Variants in MAN1A1 observed in about 807,000 individuals in gnomAD.
The protein encoded by MAN1A1 is mannosidase alpha class 1A member 1.
A neutral mutation model predicts 70.8 loss-of-function variants in MAN1A1; 29 were observed. The observed-to-expected ratio is 0.41, with a 90% CI of 0.31 to 0.56. The LOEUF (loss-of-function observed/expected upper bound fraction) is 0.56, where lower values mean the gene tolerates loss of function less well. Ranked by LOEUF, MAN1A1 falls within the 20% of genes least tolerant of loss-of-function variation. The pLI is 0.29. For synonymous variants in MAN1A1, 349 were observed against 330.1 expected (o/e 1.06, Z -0.62); for missense variants, 747 against 841.3 (o/e 0.89, Z 1.39).
At chr6:119,327,564 AT>A (rs1385877049) in intron 2 of MAN1A1, among the ~76,000 whole-genome samples, 1 of 151,694 alleles carries the variant, frequency 6.6e-6, no homozygotes, top group East Asian at 1.9e-4. Flanking sequence ...TAATTTTTGT[AT>A]TTTTAATAGA....
chr6:119,293,190 G>A lies in MAN1A1; in HGVS notation c.817-2427C>T, dbSNP rs780480108. On this transcript the variant is annotated intron_variant, in intron 4 of 12. Coordinates refer to ENST00000368468, the MANE Select transcript of MAN1A1 (RefSeq NM_005907.4). The stretch of plus-strand genomic sequence containing the variant: ...AATCAAGACCTTTATGTAGACATCC[G>A]ATAAAAATTATTCCAAGGTGAAGGT... Among the ~76,000 whole-genome samples the A allele has an allele frequency of 1.8e-4, 27 of 151,940 alleles. 1 individual carries two copies. Among genetic ancestry groups the A allele is most frequent in the African/African-American group, 6.5e-4 (27 of 41,376 alleles).
chr6:119,236,530 A>C (rs1774849082), intron 6 of MAN1A1, among the ~76,000 whole-genome samples: 1 of 152,064 alleles, frequency 6.6e-6, no homozygotes, highest in Non-Finnish European at 1.5e-5. Flanking sequence ...CAACAAGGTG[A>C]AACCCCATCT....
chr6:119,337,651 T>C (rs1582815643), intron 2 of MAN1A1, among the ~76,000 whole-genome samples: 2 of 152,372 alleles, frequency 1.3e-5, no homozygotes, highest in South Asian at 4.1e-4. Flanking sequence ...TTTATCTTAT[T>C]ACTGATGGAA....
intron 2 of MAN1A1, among the ~76,000 whole-genome samples, chr6:119,342,341 T>C (rs1426609424): frequency 6.6e-6 from 1 of 152,206 alleles, no homozygotes. Context: ...TATGGATCAA[T>C]GCAATCTTGG....
In MAN1A1 at chr6:119,177,250, TATA is replaced by T. The variant is rs1428532625; in HGVS notation, c.*2566_*2568del. 6.6e-6 allele frequency: 1 copy of T among 152,150 alleles called. No homozygotes were observed. The highest frequency in any genetic ancestry group is 2.4e-5 in the African/African-American group (1 of 41,466). 9.4% of individuals were successfully genotyped at this position (152,150 alleles called of 1,614,324 possible). Reference sequence around the variant, plus strand: ...ATTCACAATAGAGAAATTTTACAAATATAATTTTTAAAAATTATGTGTCAATCT... The same window carrying T: ...ATTCACAATAGAGAAATTTTACAAATATTTTTAAAAATTATGTGTCAATCT... On this transcript the variant is annotated 3_prime_UTR_variant, in exon 13 of 13. Transcript: ENST00000368468.
At position 119,179,876 on chromosome 6, in the gene MAN1A1, T is replaced by C. The variant is rs1308871652; in HGVS notation, c.1905A>G (p.Ala635=). 6 of 1,612,646 alleles carry C rather than the reference T, an allele frequency of 3.7e-6. No individual in the cohort carries two copies. Among genetic ancestry groups the C allele is most frequent in the Non-Finnish European group, 5.1e-6 (6 of 1,178,702 alleles). The change falls in exon 13 of 13, where the codon GCA becomes GCG. Residue 635 remains alanine, a synonymous_variant. Coordinates refer to ENST00000368468, the MANE Select transcript of MAN1A1 (RefSeq NM_005907.4). ...PLEHWIFNSE[A]HLLPILPKDK... is the part of the protein sequence containing the mutation. ...CTTTAGGGAGGATAGGGAGAAGATG[T>C]GCCTCGCTATTGAAGATCCAATGCT... is the stretch of plus-strand genomic sequence containing the variant.
At chr6:119,228,733 T>C (rs1774588971) in intron 6 of MAN1A1, among the ~76,000 whole-genome samples, 2 of 152,146 alleles carry the variant, frequency 1.3e-5, no homozygotes, top group African/African-American at 4.8e-5. Flanking sequence ...ACAAATTATG[T>C]ACCTATCCAT....
chr6:119,260,576 G>A (rs1030055475), intron 5 of MAN1A1, among the ~76,000 whole-genome samples: 2 of 152,176 alleles, frequency 1.3e-5, no homozygotes, highest in Non-Finnish European at 2.9e-5. Context: ...GACAAAATGT[G>A]AATGAATGGG....
intron 6 of MAN1A1, among the ~76,000 whole-genome samples, chr6:119,238,120 T>A (rs1408422415): frequency 1.3e-5 from 2 of 152,196 alleles, no homozygotes; most frequent in Non-Finnish European, 2.9e-5. Context: ...TCATAATTGA[T>A]TCATTTTTCA....
intron 9 of MAN1A1, among the ~76,000 whole-genome samples, 188 bp downstream of exon 9, chr6:119,193,589 C>T (rs1425378790): frequency 6.6e-6 from 1 of 152,060 alleles, no homozygotes; most frequent in Non-Finnish European, 1.5e-5. Flanking sequence ...ACTTTAACGG[C>T]CCTATTAGAA....
chr6:119,340,028 T>C (rs973415992), intron 2 of MAN1A1, among the ~76,000 whole-genome samples: 2 of 150,854 alleles, frequency 1.3e-5, no homozygotes, highest in African/African-American at 4.9e-5. Context: ...GAGGCGGAGG[T>C]TGCAGCAAGA....
At chr6:119,191,140 G>T (rs1411230620) in intron 9 of MAN1A1, among the ~76,000 whole-genome samples, 1 of 152,066 alleles carries the variant, frequency 6.6e-6, no homozygotes, top group Non-Finnish European at 1.5e-5. Flanking sequence ...CATTAACCGT[G>T]GTTAAGCTAA....
intron 6 of MAN1A1, among the ~76,000 whole-genome samples, chr6:119,247,057 C>T (rs1230662016): frequency 1.3e-5 from 2 of 151,704 alleles, no homozygotes; most frequent in Non-Finnish European, 1.5e-5. Flanking sequence ...ACAAATGAAA[C>T]TAAAGCATGG....
chr6:119,259,864 C>A (rs887587333), intron 5 of MAN1A1, among the ~76,000 whole-genome samples: 7 of 152,090 alleles, frequency 4.6e-5, no homozygotes, highest in African/African-American at 1.7e-4. Flanking sequence ...TTTTCTTAAA[C>A]AATGAATACA....
chr6:119,342,003 C>T (rs1171154465), intron 2 of MAN1A1, among the ~76,000 whole-genome samples: 1 of 152,066 alleles, frequency 6.6e-6, no homozygotes, highest in African/African-American at 2.4e-5. Context: ...TAAGATAACT[C>T]GACTGTGACT....
At chr6:119,203,265 G>A (rs904236051) in intron 7 of MAN1A1, among the ~76,000 whole-genome samples, 1 of 152,166 alleles carries the variant, frequency 6.6e-6, no homozygotes, top group Non-Finnish European at 1.5e-5. Flanking sequence ...AGAGTGGCCT[G>A]GCAAGGCGGA....
chr6:119,311,844 G>A (rs1353560207), intron 2 of MAN1A1, among the ~76,000 whole-genome samples: 23 of 152,144 alleles, frequency 1.5e-4, no homozygotes, highest in Non-Finnish European at 5.9e-5. Context: ...CTTATCAATG[G>A]CCAACAGATG....
chr6:119,305,905 T>C (rs897388596), intron 3 of MAN1A1, among the ~76,000 whole-genome samples: 4 of 152,156 alleles, frequency 2.6e-5, no homozygotes, highest in African/African-American at 9.7e-5. Flanking sequence ...ACTCTAATGT[T>C]AGCCACACCA....
chr6:119,349,059 C>T lies in MAN1A1; in HGVS notation c.7G>A (p.Val3Met). The T allele has an allele frequency of 7.6e-7, 1 of 1,319,668 alleles. No homozygotes were observed. The highest frequency in any genetic ancestry group is 9.7e-7 in the Non-Finnish European group (1 of 1,033,358). 81.7% of individuals were successfully genotyped at this position (1,319,668 alleles called of 1,614,324 possible). A position where few individuals can be genotyped will look rare whatever the true frequency, so the allele number is the denominator to read the frequency against. The change falls in exon 2 of 13, where the codon GTG (valine) becomes ATG (methionine). Residue 3 changes from valine to methionine, a missense_variant. By Grantham distance (21) the Val-to-Met change is conservative (BLOSUM62 1). This residue lies in a region of MAN1A1 where 328 missense variants were observed against 293.1 expected (regional missense o/e 1.12). Transcript: ENST00000368468. MPVGGLLPLFSSP... is the reference protein window; with the variant it reads MPMGGLLPLFSSP... Reference sequence around the variant, plus strand: ...CTGAAGAGCGGCAACAGGCCCCCCACGGGCATCGCTCCCGCTGTCCAGTGG... The same window carrying T: ...CTGAAGAGCGGCAACAGGCCCCCCATGGGCATCGCTCCCGCTGTCCAGTGG...
Sources: allele counts gnomAD v4.1 joint callset (sites outside exome capture counted in the v4.1 genomes callset), GRCh38; gene constraint gnomAD v4.1.1; regional missense constraint gnomAD v4.1.1; transcripts MANE v1.5; gene names NCBI Gene and HGNC (gene_info 2026-07-23, HGNC 2026-07-21).